Variants in RAB33A observed in about 807,000 individuals in gnomAD.
RAB33A encodes RAB33A, member RAS oncogene family.
In RAB33A, 6 loss-of-function variants were observed where a neutral mutation model predicts 12.0. That is an observed-to-expected ratio of 0.50 (90% CI 0.27 to 0.99). The LOEUF is 0.99. Among genes scored for constraint, RAB33A ranks in the 50% least tolerant of loss-of-function variants. The pLI is 0.11. For synonymous variants in RAB33A, 70 were observed against 82.4 expected (o/e 0.85, Z 0.81); for missense variants, 109 against 192.0 (o/e 0.57, Z 2.55).
the RAB33A span, among the ~76,000 whole-genome samples, chrX:130,133,984 C>T: frequency 9.0e-6 from 1 of 110,500 alleles, no homozygotes; most frequent in Admixed American, 9.7e-5. Flanking sequence ...GGCAAATGCC[C>T]GTAATCCCAG....
chrX:130,172,325 T>A lies in RAB33A; in HGVS notation c.258+5T>A. On this transcript the variant is annotated splice_donor_5th_base_variant and intron_variant, in intron 1 of 1. Coordinates refer to ENST00000257017, the MANE Select transcript of RAB33A (RefSeq NM_004794.3). ...ATCGAGGGCGAGAAGATCAAGGTGA[T>A]CCAGGGGGTCAGGTCCAGGAAGGGT... 1 of 1,195,331 alleles carries A rather than the reference T, an allele frequency of 8.4e-7. No homozygotes were observed. Among genetic ancestry groups the A allele is most frequent in the Non-Finnish European group, 1.1e-6 (1 of 886,371 alleles).
chrX:130,183,487 G>A lies in RAB33A; in HGVS notation c.259-798G>A, dbSNP rs1450803396. 8.2e-5 allele frequency among the ~76,000 whole-genome samples: 9 copies of A among 109,387 alleles called. No individual in the cohort carries two copies. In the South Asian group the frequency reaches 1.2e-3, roughly 15 times the overall value. 95.0% of individuals were successfully genotyped at this position (109,387 alleles called of 115,157 possible). A position where few individuals can be genotyped will look rare whatever the true frequency, so the allele number is the denominator to read the frequency against. On this transcript the variant is annotated intron_variant, in intron 1 of 1. Transcript: ENST00000257017. ...GGAGAATGGCGTGAACCTGGGAGGC[G>A]GAGCTTGCAGTGAGCCGAGATGGCG...
the RAB33A span, among the ~76,000 whole-genome samples, chrX:130,138,215 C>T: frequency 8.9e-6 from 1 of 111,803 alleles, no homozygotes; most frequent in South Asian, 3.7e-4. Context: ...CCTGTAATCC[C>T]AGCACTTTGG....
the RAB33A span, chrX:130,136,262 T>C: frequency 3.6e-6 from 4 of 1,106,235 alleles, no homozygotes; most frequent in Admixed American, 6.8e-5. Flanking sequence ...TGGCCCTTCA[T>C]GCCATTAAGA....
At chrX:130,133,681 T>C in the RAB33A span, among the ~76,000 whole-genome samples, 1 of 109,309 alleles carries the variant, frequency 9.1e-6, no homozygotes, top group African/African-American at 3.3e-5. Context: ...TGGGCTGGAG[T>C]GCAGTGGTGC....
the RAB33A span, among the ~76,000 whole-genome samples, chrX:130,148,700 G>A: frequency 4.7e-5 from 5 of 107,181 alleles, no homozygotes; most frequent in Admixed American, 5.0e-4. Flanking sequence ...AGGCATGGTG[G>A]CACACACCTG....
the RAB33A span, among the ~76,000 whole-genome samples, chrX:130,146,946 G>A: frequency 9.8e-5 from 11 of 112,205 alleles, no homozygotes; most frequent in Non-Finnish European, 2.1e-4. Context: ...CGGATCATGA[G>A]GTCAGGAGAT....
the RAB33A span, among the ~76,000 whole-genome samples, chrX:130,125,948 C>T: frequency 5.3e-5 from 6 of 112,441 alleles, no homozygotes; most frequent in East Asian, 1.7e-3. Context: ...CTGTGGTTTA[C>T]AGGTAGCCAG....
the RAB33A span, among the ~76,000 whole-genome samples, chrX:130,113,111 C>T: frequency 3.0e-5 from 2 of 66,212 alleles, no homozygotes; most frequent in African/African-American, 6.5e-5. Context: ...GATGGAGTCT[C>T]GCTCTTTCTC....
the RAB33A span, among the ~76,000 whole-genome samples, chrX:130,152,055 C>CA: frequency 2.1e-5 from 2 of 93,876 alleles, no homozygotes; most frequent in African/African-American, 7.9e-5. Context: ...AAAAACACAA[C>CA]AAAAAAAACC....
the RAB33A span, among the ~76,000 whole-genome samples, chrX:130,152,253 C>T: frequency 2.7e-5 from 3 of 111,960 alleles, no homozygotes; most frequent in Non-Finnish European, 5.6e-5. Flanking sequence ...CTAAGCCCAG[C>T]TCACACTTGC....
chrX:130,129,481 A>G, the RAB33A span: 1 of 837,426 alleles, frequency 1.2e-6, no homozygotes, highest in Non-Finnish European at 1.8e-6. Flanking sequence ...AAGTCTGCTG[A>G]ATAAAAAAAT....
the RAB33A span, chrX:130,138,774 C>A: frequency 1.8e-4 from 131 of 735,994 alleles, 1 homozygote; most frequent in African/African-American, 2.2e-3. Flanking sequence ...AAAGTAGTTT[C>A]TTCTAAATCT....
chrX:130,147,678 T>C, the RAB33A span: 3 of 1,209,998 alleles, frequency 2.5e-6, no homozygotes, highest in Non-Finnish European at 3.4e-6. Context: ...AAGGGGCAAA[T>C]GTCAAAGCAT....
At chrX:130,151,962 C>A in the RAB33A span, among the ~76,000 whole-genome samples, 1 of 110,066 alleles carries the variant, frequency 9.1e-6, no homozygotes, top group East Asian at 2.8e-4. Flanking sequence ...CCACCTGAAC[C>A]CCTGAGGTGG....
chrX:130,113,336 C>T, the RAB33A span, among the ~76,000 whole-genome samples: 3 of 109,881 alleles, frequency 2.7e-5, no homozygotes, highest in Non-Finnish European at 5.7e-5. Context: ...CCGCCTCGGC[C>T]TCCTAAAGTG....
At chrX:130,143,420 A>G in the RAB33A span, among the ~76,000 whole-genome samples, 1 of 111,801 alleles carries the variant, frequency 8.9e-6, no homozygotes, top group African/African-American at 3.3e-5. Flanking sequence ...TCAGACATGC[A>G]GGCTAGAAAT....
upstream of RAB33A, chrX:130,171,956 GCA>G (rs760046074): frequency 2.4e-4 from 211 of 883,774 alleles, no homozygotes; most frequent in Non-Finnish European, 3.0e-4. Context: ...ACACACGCGC[GCA>G]CACACACACG....
chrX:130,114,809 C>CT, the RAB33A span, among the ~76,000 whole-genome samples: 1 of 111,758 alleles, frequency 8.9e-6, no homozygotes, highest in African/African-American at 3.2e-5. Flanking sequence ...TCTCCTTTTT[C>CT]TTTTTTTCCA....
Sources: gnomAD v4.1 joint callset for allele counts (sites outside exome capture counted in the v4.1 genomes callset) on GRCh38, gnomAD v4.1.1 for gene constraint, MANE v1.5 for transcripts, NCBI Gene and HGNC (gene_info 2026-07-23, HGNC 2026-07-21) for gene names.